JARID2: variants seen among roughly 807,000 people sequenced by gnomAD.
JARID2 encodes protein Jumonji.
JARID2 carries 21 observed loss-of-function variants against 125.6 expected under a neutral mutation model. That is an observed-to-expected ratio of 0.17 (90% CI 0.12 to 0.24). The LOEUF (loss-of-function observed/expected upper bound fraction) is 0.24, where lower values mean the gene tolerates loss of function less well. JARID2 is among the 10% of genes least tolerant of loss of function. The pLI is 1.00. For synonymous variants in JARID2, 736 were observed against 661.6 expected, an observed-to-expected ratio of 1.11 and a Z score of -1.73; for missense variants, 1,303 against 1,639.6, an observed-to-expected ratio of 0.79 and a Z score of 3.55.
At chr6:15,354,440 TAAC>T (rs373732824) in intron 1 of JARID2, among the ~76,000 whole-genome samples, 200 of 152,332 alleles carry the variant, frequency 1.3e-3, no homozygotes, top group African/African-American at 4.5e-3. Context: ...GATAATTTGT[TAAC>T]AGCAGCAACA....
intron 5 of JARID2, among the ~76,000 whole-genome samples, chr6:15,480,786 C>G (rs754216098): frequency 1.1e-4 from 16 of 152,038 alleles, no homozygotes; most frequent in Non-Finnish European, 2.2e-4. Context: ...GAATTGAGGC[C>G]CAAACGGGGT....
chr6:15,390,943 A>G (rs1198197217), intron 2 of JARID2, among the ~76,000 whole-genome samples: 1 of 152,228 alleles, frequency 6.6e-6, no homozygotes, highest in East Asian at 1.9e-4. Flanking sequence ...AAAATGGGAT[A>G]CTAATTTTTT....
intron 5 of JARID2, among the ~76,000 whole-genome samples, chr6:15,481,205 C>T (rs1027230759): frequency 3.3e-5 from 5 of 152,090 alleles, no homozygotes; most frequent in Admixed American, 2.0e-4. Flanking sequence ...TTCTATAGGC[C>T]GTTTAACTTT....
At chr6:15,511,580 A>G (rs1771281004) in intron 13 of JARID2, among the ~76,000 whole-genome samples, 179 bp downstream of exon 13, 1 of 152,176 alleles carries the variant, frequency 6.6e-6, no homozygotes, top group South Asian at 2.1e-4. Flanking sequence ...CAGATTGCAC[A>G]GGGCGCTGGG....
intron 4 of JARID2, among the ~76,000 whole-genome samples, chr6:15,454,293 T>TG (rs1181250801): frequency 3.3e-5 from 5 of 152,034 alleles, no homozygotes; most frequent in African/African-American, 7.3e-5. Flanking sequence ...ACTGAATTGT[T>TG]GGGGGGGAAA....
At chr6:15,512,113 A>G in intron 13 of JARID2, 95 bp from the exon 14 acceptor site, 1 of 994,300 alleles carries the variant, frequency 1.0e-6, no homozygotes, top group East Asian at 2.6e-5. Context: ...TATCTCCTTG[A>G]GAGCAGGCCT....
intron 4 of JARID2, among the ~76,000 whole-genome samples, chr6:15,455,791 G>A (rs1325127879): frequency 6.6e-6 from 1 of 152,168 alleles, no homozygotes; most frequent in Non-Finnish European, 1.5e-5. Context: ...GCCTCCCAAA[G>A]TGCTGGGATT....
In JARID2 at chr6:15,520,185, A is replaced by C; in HGVS notation, c.3675A>C (p.Thr1225=). The C allele has an allele frequency of 6.2e-7, 1 of 1,613,958 alleles. No homozygotes were observed. The highest frequency in any genetic ancestry group is 8.5e-7 in the Non-Finnish European group (1 of 1,179,934). The change falls in exon 18 of 18, where the codon ACA becomes ACC. Residue 1225 remains threonine (T), a synonymous_variant. Coordinates refer to ENST00000341776, the MANE Select transcript of JARID2 (RefSeq NM_004973.4). ...AAAGAGGTCCCCGCAAGAGAGCGAC[A>C]GTGGACGTGCCCCCCTCCCGTCTGT... ...TPKRGPRKRA[T]VDVPPSRLSA... is the part of the protein sequence containing the mutation.
Position 15,504,488 on chromosome 6 carries a change from G to C in JARID2, c.2449-12G>C. On this transcript the variant is annotated splice_polypyrimidine_tract_variant and intron_variant, in intron 8 of 17. Coordinates refer to ENST00000341776, the MANE Select transcript of JARID2 (RefSeq NM_004973.4). ...TGCTTCTGAAGCTTTACTGTTTTTT[G>C]TTTTGTTTCAGGGAAGGTCTGTTTC... The C allele has an allele frequency of 6.2e-7, 1 of 1,600,158 alleles. No individual in the cohort carries two copies. The highest frequency in any genetic ancestry group is 8.6e-7 in the Non-Finnish European group (1 of 1,167,634).
At chr6:15,342,809 G>A (rs1395806214) in intron 1 of JARID2, among the ~76,000 whole-genome samples, 2 of 151,984 alleles carry the variant, frequency 1.3e-5, no homozygotes, top group African/African-American at 4.8e-5. Flanking sequence ...ATTTTGTGTC[G>A]TTACTTACCC....
chr6:15,305,696 A>G (rs1195203681), intron 1 of JARID2, among the ~76,000 whole-genome samples: 2 of 152,178 alleles, frequency 1.3e-5, no homozygotes, highest in South Asian at 2.1e-4. Context: ...ATGGAGTTCA[A>G]GGGGTCTTCA....
intron 3 of JARID2, among the ~76,000 whole-genome samples, chr6:15,431,149 A>T (rs192096613): frequency 1.4e-4 from 22 of 152,254 alleles, no homozygotes; most frequent in Admixed American, 1.3e-3. Context: ...TCTCCTGATT[A>T]TCATTTCTTA....
At chr6:15,517,883 C>G (rs1771641433) in intron 17 of JARID2, among the ~76,000 whole-genome samples, 1 of 152,220 alleles carries the variant, frequency 6.6e-6, no homozygotes, top group African/African-American at 2.4e-5. Flanking sequence ...TCTGATGAGG[C>G]TGGTTACGAG....
In JARID2 at chr6:15,495,635, G is replaced by A. The variant is rs1197353417; in HGVS notation, c.907-497G>A. The stretch of plus-strand genomic sequence containing the variant: ...AGCCATAGATTTCTAAATCCTGTGG[G>A]CAGGTCATGCTGCTATGTGGAGCAC... On this transcript the variant is annotated intron_variant, in intron 6 of 17. Coordinates refer to ENST00000341776, the MANE Select transcript of JARID2 (RefSeq NM_004973.4). Among the ~76,000 whole-genome samples, 4 of 152,148 alleles carry A rather than the reference G, an allele frequency of 2.6e-5. No individual in the cohort carries two copies. The East Asian group carries it at 7.7e-4, about 29-fold the overall frequency.
chr6:15,345,192 G>A (rs540954351), intron 1 of JARID2, among the ~76,000 whole-genome samples: 8 of 152,262 alleles, frequency 5.3e-5, no homozygotes, highest in Non-Finnish European at 5.9e-5. Context: ...ATGTAGATAA[G>A]TTTCTTGTCT....
chr6:15,480,153 A>G (rs1769541671), intron 5 of JARID2, among the ~76,000 whole-genome samples: 1 of 152,088 alleles, frequency 6.6e-6, no homozygotes, highest in South Asian at 2.1e-4. Context: ...CTTTATTTAC[A>G]GTGATTCTTT....
At chr6:15,307,612 A>C (rs916466435) in intron 1 of JARID2, among the ~76,000 whole-genome samples, 1 of 152,198 alleles carries the variant, frequency 6.6e-6, no homozygotes, top group African/African-American at 2.4e-5. Context: ...CTCCCCCACC[A>C]GAAAATGTGA....
chr6:15,358,141 TG>T (rs1763670278), intron 1 of JARID2, among the ~76,000 whole-genome samples: 2 of 152,224 alleles, frequency 1.3e-5, no homozygotes, highest in Non-Finnish European at 2.9e-5. Context: ...TCAGGGCTTT[TG>T]TAAGGTGTTC....
At chr6:15,440,225 C>T (rs1378667202) in intron 3 of JARID2, among the ~76,000 whole-genome samples, 2 of 152,218 alleles carry the variant, frequency 1.3e-5, no homozygotes, top group Non-Finnish European at 2.9e-5. Flanking sequence ...TGACCTCTTT[C>T]AATTTAGTGC....
Sources: allele counts gnomAD v4.1 joint callset (sites outside exome capture counted in the v4.1 genomes callset), GRCh38; gene constraint gnomAD v4.1.1; transcripts MANE v1.5; gene names NCBI Gene and HGNC (gene_info 2026-07-23, HGNC 2026-07-21).